The following HMGA2 variants were observed in gnomAD, a reference collection of about 807,000 sequenced individuals.
HMGA2 encodes high mobility group AT-hook 2, also known as high mobility group protein HMGI-C.
In HMGA2, 8 loss-of-function variants were observed where a neutral mutation model predicts 19.1. The observed-to-expected ratio is 0.42, with a 90% CI of 0.25 to 0.76. The LOEUF is 0.76. Ranked by LOEUF, HMGA2 falls within the 30% of genes least tolerant of loss-of-function variation. HMGA2 has a pLI of 0.28. For synonymous variants in HMGA2, 60 were observed against 48.8 expected, an observed-to-expected ratio of 1.23 and a Z score of -0.96; for missense variants, 109 against 136.3, an observed-to-expected ratio of 0.80 and a Z score of 1.00.
intron 3 of HMGA2, among the ~76,000 whole-genome samples, chr12:65,942,425 G>GTA (rs1876120052): frequency 6.6e-6 from 1 of 152,046 alleles, no homozygotes; most frequent in Admixed American, 6.6e-5. Context: ...GTGTGTGTGT[G>GTA]TATACATATA....
At chr12:65,850,591 T>C (rs571657465) in intron 3 of HMGA2, among the ~76,000 whole-genome samples, 5 of 152,110 alleles carry the variant, frequency 3.3e-5, no homozygotes, top group Non-Finnish European at 7.4e-5. Flanking sequence ...AGACTTACTA[T>C]TTGCTATCTT....
At chr12:65,870,754 G>A (rs972590614) in intron 3 of HMGA2, among the ~76,000 whole-genome samples, 2 of 152,182 alleles carry the variant, frequency 1.3e-5, no homozygotes, top group Admixed American at 1.3e-4. Flanking sequence ...ACAGCTGGAA[G>A]ATGACATCCC....
At chr12:65,841,951 G>A (rs571595990) in intron 3 of HMGA2, among the ~76,000 whole-genome samples, 1 of 151,964 alleles carries the variant, frequency 6.6e-6, no homozygotes, top group East Asian at 1.9e-4. Flanking sequence ...AACTAGATTT[G>A]CTTAAGAACA....
At chr12:65,899,168 C>T (rs995896205) in intron 3 of HMGA2, among the ~76,000 whole-genome samples, 2 of 151,634 alleles carry the variant, frequency 1.3e-5, no homozygotes, top group African/African-American at 4.8e-5. Flanking sequence ...TGTGTTCATC[C>T]TATTTTGCCT....
chr12:65,916,482 G>T (rs547811079), intron 3 of HMGA2, among the ~76,000 whole-genome samples: 1 of 152,168 alleles, frequency 6.6e-6, no homozygotes, highest in Non-Finnish European at 1.5e-5. Flanking sequence ...GTACCTCTCT[G>T]GGAACATAAT....
At chr12:65,946,950 A>T (rs1260718083) in intron 3 of HMGA2, among the ~76,000 whole-genome samples, 2 of 152,100 alleles carry the variant, frequency 1.3e-5, no homozygotes, top group Admixed American at 1.3e-4. Flanking sequence ...ATTTGTATAT[A>T]CTTTAACAAT....
intron 3 of HMGA2, among the ~76,000 whole-genome samples, chr12:65,908,509 C>T (rs73121706): frequency 0.022 from 3,400 of 152,054 alleles, 54 homozygotes; most frequent in Middle Eastern, 0.037. Context: ...TTGTTATTAC[C>T]CTTTCTACAT....
intron 3 of HMGA2, among the ~76,000 whole-genome samples, chr12:65,933,509 T>A (rs1161888826): frequency 6.6e-6 from 1 of 152,202 alleles, no homozygotes; most frequent in South Asian, 2.1e-4. Context: ...GCATTTCTTA[T>A]GAAATCCACT....
chr12:65,847,136 T>A (rs140061064), intron 3 of HMGA2, among the ~76,000 whole-genome samples: 1 of 152,334 alleles, frequency 6.6e-6, no homozygotes, highest in African/African-American at 2.4e-5. Flanking sequence ...TTGTGCTATG[T>A]GCTGTGTGCC....
chr12:65,878,605 T>G (rs1873183102), intron 3 of HMGA2, among the ~76,000 whole-genome samples: 1 of 152,212 alleles, frequency 6.6e-6, no homozygotes, highest in Non-Finnish European at 1.5e-5. Context: ...AAGCCCAGTT[T>G]CCCCAGTTTC....
At position 65,825,506 on chromosome 12, in the gene HMGA2, C is replaced by G. The variant is rs1298475907; in HGVS notation, c.111+125C>G. ...CGGCCGTCGCACACTGCCCGCCGGCCGGCCGGGGGGAGCGGCGCAGACCCC... is the reference window on the plus strand; with the variant it reads ...CGGCCGTCGCACACTGCCCGCCGGCGGGCCGGGGGGAGCGGCGCAGACCCC... On this transcript the variant is annotated intron_variant, in intron 1 of 4. Transcript: ENST00000403681. This position sits in a 1 kb window ranked among gnomAD's most constrained non-coding sequence, Gnocchi z 4.4. 8 of 481,924 alleles carry G rather than the reference C, an allele frequency of 1.7e-5. No individual in the cohort carries two copies. The highest frequency in any genetic ancestry group is 2.5e-5 in the Non-Finnish European group (8 of 323,716). The allele number at this position is 481,924 out of a possible 1,614,324, so 29.9% of individuals were successfully genotyped here.
intron 3 of HMGA2, chr12:65,842,730 C>T (rs1871054596): frequency 6.9e-7 from 1 of 1,443,790 alleles, no homozygotes; most frequent in Non-Finnish European, 9.1e-7. Context: ...ATTCTCAGAA[C>T]TTCTATAGAA....
Position 65,915,664 on chromosome 12 carries a change from A to T in HMGA2, c.250-35719A>T, listed in dbSNP as rs1226091047. The T allele has an allele frequency of 8.0e-6, 4 of 499,284 alleles. No individual in the cohort carries two copies. In the East Asian group the frequency reaches 3.6e-4, roughly 45 times the overall value. The allele number at this position is 499,284 out of a possible 1,614,324, so 30.9% of individuals were successfully genotyped here. A position where few individuals can be genotyped will look rare whatever the true frequency, so the allele number is the denominator to read the frequency against. ...CATTCCCAGCTTCAGATGGGCTGCC[A>T]TGACTTCTGCCAGTTCCAGCTATTT... On this transcript the variant is annotated intron_variant, in intron 3 of 4. Coordinates refer to ENST00000403681, the MANE Select transcript of HMGA2 (RefSeq NM_003483.6).
chr12:65,934,067 T>C (rs1195877382), intron 3 of HMGA2, among the ~76,000 whole-genome samples: 1 of 152,256 alleles, frequency 6.6e-6, no homozygotes, highest in Non-Finnish European at 1.5e-5. Flanking sequence ...TGTGTTTGTA[T>C]ATTCACTGAA....
At chr12:65,870,639 G>A (rs1872664317) in intron 3 of HMGA2, among the ~76,000 whole-genome samples, 1 of 152,208 alleles carries the variant, frequency 6.6e-6, no homozygotes, top group Non-Finnish European at 1.5e-5. Flanking sequence ...TGAGGCAGGA[G>A]AATCACTTGA....
intron 3 of HMGA2, among the ~76,000 whole-genome samples, chr12:65,945,936 C>T (rs1876248391): frequency 6.6e-6 from 1 of 152,128 alleles, no homozygotes; most frequent in African/African-American, 2.4e-5. Context: ...GATCATAAAC[C>T]TCACTAGTTC....
intron 3 of HMGA2, among the ~76,000 whole-genome samples, chr12:65,871,824 A>G (rs531982191): frequency 6.6e-6 from 1 of 152,350 alleles, no homozygotes; most frequent in Admixed American, 6.5e-5. Flanking sequence ...AGTTTTCCTC[A>G]GAAAGGCTTG....
chr12:65,951,365 T>C lies in HMGA2; in HGVS notation c.250-18T>C. On this transcript the variant is annotated intron_variant, in intron 3 of 4. Transcript: ENST00000403681. ...GTATATTTTCTTTTAAAATATATCT[T>C]TTTCTTTTCCTCCTTAGCCACAACA... 2 of 1,485,500 alleles carry C rather than the reference T, an allele frequency of 1.3e-6. No homozygotes were observed. The highest frequency in any genetic ancestry group is 2.6e-5 in the South Asian group (2 of 76,658). 92.0% of individuals were successfully genotyped at this position (1,485,500 alleles called of 1,614,324 possible). A position where few individuals can be genotyped will look rare whatever the true frequency, so the allele number is the denominator to read the frequency against.
chr12:65,843,428 G>GTT, intron 3 of HMGA2: 1 of 200,286 alleles, frequency 5.0e-6, no homozygotes, highest in Non-Finnish European at 1.0e-5. Flanking sequence ...GACAGCAAGG[G>GTT]TTTTTTTCCC....
Sources: allele counts gnomAD v4.1 joint callset (sites outside exome capture counted in the v4.1 genomes callset), GRCh38; gene constraint gnomAD v4.1.1; non-coding constraint Gnocchi (gnomAD v3.1); transcripts MANE v1.5; gene names NCBI Gene and HGNC (gene_info 2026-07-23, HGNC 2026-07-21).